The following TIAM2 variants were observed in gnomAD, a reference collection of about 807,000 sequenced individuals.
TIAM2 encodes the protein TIAM Rac1 associated GEF 2.
TIAM2 carries 80 observed loss-of-function variants against 152.9 expected under a neutral mutation model. That is an observed-to-expected ratio of 0.52 (90% CI 0.44 to 0.63). The LOEUF is 0.63. TIAM2 is among the 30% of genes least tolerant of loss of function. The pLI, the probability that TIAM2 is intolerant of heterozygous loss-of-function variation, is 0.00. For missense variants in TIAM2, 1,965 were observed against 2,120.1 expected, an observed-to-expected ratio of 0.93 and a Z score of 1.44; for synonymous variants, 804 against 838.0, an observed-to-expected ratio of 0.96 and a Z score of 0.70.
chr6:155,045,226 C>T (rs1354976710), intron 1 of TIAM2, among the ~76,000 whole-genome samples: 1 of 151,796 alleles, frequency 6.6e-6, no homozygotes, highest in Non-Finnish European at 1.5e-5. Flanking sequence ...ACCACCACAC[C>T]TGGCTTTTTG....
chr6:155,158,168 T>C (rs1780171454), intron 7 of TIAM2, among the ~76,000 whole-genome samples: 1 of 152,186 alleles, frequency 6.6e-6, no homozygotes, highest in African/African-American at 2.4e-5. Context: ...ATTAAATGAC[T>C]AAATGGCAGA....
At chr6:155,114,504 A>G (rs375783316) in intron 2 of TIAM2, among the ~76,000 whole-genome samples, 1 of 151,958 alleles carries the variant, frequency 6.6e-6, no homozygotes, top group Admixed American at 6.6e-5. Context: ...CCCCACCCCC[A>G]CAGCCATTTG....
intron 26 of TIAM2, 84 bp downstream of exon 26, chr6:155,254,657 G>A: frequency 6.6e-7 from 1 of 1,517,860 alleles, no homozygotes; most frequent in East Asian, 2.3e-5. Context: ...ACATAGCTGT[G>A]ACTTTTCACT....
intron 1 of TIAM2, among the ~76,000 whole-genome samples, chr6:155,004,120 C>T (rs544628358): frequency 2.6e-5 from 4 of 152,348 alleles, no homozygotes; most frequent in African/African-American, 9.6e-5. Flanking sequence ...AGGTGATCTG[C>T]CTGCCTCGGC....
intron 15 of TIAM2, among the ~76,000 whole-genome samples, chr6:155,225,898 T>C (rs1208243144): frequency 6.6e-6 from 1 of 152,178 alleles, no homozygotes; most frequent in Non-Finnish European, 1.5e-5. Context: ...ACAAAAACCA[T>C]AATTAAAGGG....
Position 155,248,028 on chromosome 6 carries a change from T to G in TIAM2, c.3681T>G (p.Phe1227Leu). ...AAACTGACAAAGCCTTCAAGGCTTT[T>G]CTGGACGCCCGGAACCCCACCAAGC... ...RAKTDKAFKA[F>L]LDARNPTKQH... Residue 1227 changes from phenylalanine to leucine, a missense_variant, in exon 20 of 27, where the codon TTT becomes TTG. Around this residue, in one of 3 missense-constraint regions of TIAM2, gnomAD observed 935 missense variants for 980.0 expected, o/e 0.95. Coordinates refer to ENST00000682666, the MANE Select transcript of TIAM2 (RefSeq NM_012454.4). 5.0e-6 allele frequency: 8 copies of G among 1,614,204 alleles called. 1 individual carries two copies. The highest frequency in any genetic ancestry group is 6.8e-6 in the Non-Finnish European group (8 of 1,180,014).
chr6:155,033,827 C>G (rs1158853780), intron 1 of TIAM2, among the ~76,000 whole-genome samples: 1 of 151,936 alleles, frequency 6.6e-6, no homozygotes, highest in Non-Finnish European at 1.5e-5. Context: ...AGCAATTCTC[C>G]TGCCTTAGCC....
rs1781796538 is a variant in TIAM2 at position 155,214,149 on chromosome 6, C to G, written c.3168+2842C>G. ...GCCCGAGGAGCACGAGGCTCCCGCC[C>G]TGCCACTTCAGGATTGGGTGGGGCT... On this transcript the variant is annotated intron_variant, in intron 15 of 26. Transcript: ENST00000682666. This position sits in a 1 kb window ranked among gnomAD's most constrained non-coding sequence, Gnocchi z 5.4. Among the ~76,000 whole-genome samples the G allele has an allele frequency of 6.6e-6, 1 of 152,260 alleles. No individual in the cohort carries two copies. Among genetic ancestry groups the G allele is most frequent in the African/African-American group, 2.4e-5 (1 of 41,474 alleles).
At chr6:155,133,224 G>T (rs1314773302) in intron 4 of TIAM2, among the ~76,000 whole-genome samples, 1 of 152,130 alleles carries the variant, frequency 6.6e-6, no homozygotes, top group Non-Finnish European at 1.5e-5. Flanking sequence ...GCATGTGCCT[G>T]TTAGTCCCAC....
intron 1 of TIAM2, among the ~76,000 whole-genome samples, chr6:155,033,457 G>A (rs926870648): frequency 2.6e-5 from 4 of 152,116 alleles, no homozygotes; most frequent in African/African-American, 9.7e-5. Context: ...AGTTGATATA[G>A]CACTTTGGCT....
chr6:155,222,609 AAAAC>A (rs200282891), intron 15 of TIAM2, among the ~76,000 whole-genome samples: 49,310 of 124,848 alleles, frequency 0.39, 9,018 homozygotes, highest in Middle Eastern at 0.5. Flanking sequence ...TCAAAAACAA[AAAAC>A]AAACAAAAAA....
At chr6:155,192,658 G>T (rs1781234905) in intron 14 of TIAM2, among the ~76,000 whole-genome samples, 1 of 151,504 alleles carries the variant, frequency 6.6e-6, no homozygotes, top group Non-Finnish European at 1.5e-5. Context: ...AAAAAACTTA[G>T]TGAGTAGCCT....
chr6:155,061,827 A>T (rs545027627), intron 1 of TIAM2, among the ~76,000 whole-genome samples: 37 of 152,256 alleles, frequency 2.4e-4, no homozygotes, highest in African/African-American at 8.7e-4. Context: ...TTGATTTTTT[A>T]AAAAAATTTG....
chr6:155,240,704 G>A lies in TIAM2; in HGVS notation c.3343G>A (p.Val1115Met), dbSNP rs149353490. The change falls in exon 16 of 27, where the codon GTG becomes ATG. Residue 1115 changes from valine (V) to methionine (M), a missense_variant. This residue lies in a region of TIAM2 where 935 missense variants were observed against 980.0 expected (regional missense o/e 0.95). Coordinates refer to ENST00000682666, the MANE Select transcript of TIAM2 (RefSeq NM_012454.4). ...GCTTGTGGACACAGAGAAGTCCTAC[G>A]TGAAGGTAAGGGAAGAGCTGGCATT... ...QELVDTEKSY[V>M]KDLSCLFELY... The A allele has an allele frequency of 1.0e-4, 167 of 1,610,666 alleles. No homozygotes were observed. Among genetic ancestry groups the A allele is most frequent in the Middle Eastern group, 1.6e-4 (1 of 6,082 alleles).
intron 2 of TIAM2, among the ~76,000 whole-genome samples, chr6:155,118,897 A>G (rs1163172880): frequency 6.6e-6 from 1 of 150,976 alleles, no homozygotes; most frequent in Admixed American, 6.6e-5. Context: ...AAAAGGATGA[A>G]GCCCATGGAC....
intron 5 of TIAM2, among the ~76,000 whole-genome samples, chr6:155,141,062 C>T (rs1779692866): frequency 6.6e-6 from 1 of 152,148 alleles, no homozygotes; most frequent in Non-Finnish European, 1.5e-5. Flanking sequence ...AGTGATGGGC[C>T]TGAGTTGTCA....
intron 1 of TIAM2, among the ~76,000 whole-genome samples, chr6:155,041,393 A>C (rs1481170566): frequency 6.6e-6 from 1 of 152,146 alleles, no homozygotes; most frequent in Non-Finnish European, 1.5e-5. Context: ...GTGTTTTTCT[A>C]AGTGTGACAG....
intron 1 of TIAM2, among the ~76,000 whole-genome samples, chr6:155,013,044 G>A (rs1448329148): frequency 6.6e-6 from 1 of 151,960 alleles, no homozygotes; most frequent in Middle Eastern, 3.2e-3. Context: ...CATTATGCTC[G>A]GGCTTCTGAG....
At chr6:155,157,489 TAG>T (rs1018835495) in intron 7 of TIAM2, among the ~76,000 whole-genome samples, 66 of 152,104 alleles carry the variant, frequency 4.3e-4, no homozygotes, top group African/African-American at 1.4e-3. Context: ...TTTTAAAAAA[TAG>T]AGACGAGGTC....
Sources: allele counts gnomAD v4.1 joint callset (sites outside exome capture counted in the v4.1 genomes callset), GRCh38; gene constraint gnomAD v4.1.1; regional missense constraint gnomAD v4.1.1; non-coding constraint Gnocchi (gnomAD v3.1); transcripts MANE v1.5; gene names NCBI Gene and HGNC (gene_info 2026-07-23, HGNC 2026-07-21).